Variants in PITRM1 observed in about 807,000 individuals in gnomAD.
PITRM1 encodes the protein pitrilysin metallopeptidase 1.
Under a neutral mutation model 129.9 loss-of-function variants are expected in PITRM1, and 100 were observed. The ratio of observed to expected loss-of-function variants is 0.77; its 90% confidence interval spans 0.65 to 0.91. The LOEUF is 0.91. Among genes scored for constraint, PITRM1 ranks in the 40% least tolerant of loss-of-function variants. The pLI, the probability that PITRM1 is intolerant of heterozygous loss-of-function variation, is 0.00. For missense variants in PITRM1, 1,471 were observed against 1,318.3 expected, an observed-to-expected ratio of 1.12 and a Z score of -1.79; for synonymous variants, 591 against 508.8, an observed-to-expected ratio of 1.16 and a Z score of -2.17.
At chr10:3,145,945 C>T (rs139988469) in intron 20 of PITRM1, 25 of 519,210 alleles carry the variant, frequency 4.8e-5, no homozygotes, top group African/African-American at 1.9e-4. Context: ...GCCGTCCATA[C>T]GCGGAGCCTG....
chr10:3,165,667 G>C (rs968466543), intron 4 of PITRM1, 140 bp from the exon 5 acceptor site: 5 of 623,678 alleles, frequency 8.0e-6, no homozygotes, highest in Admixed American at 5.9e-5. Flanking sequence ...CCATGCTCTG[G>C]TCCCTGGCCT....
At chr10:3,165,929 T>C (rs1842821395) in intron 4 of PITRM1, among the ~76,000 whole-genome samples, 1 of 152,194 alleles carries the variant, frequency 6.6e-6, no homozygotes, top group African/African-American at 2.4e-5. Context: ...TTACTAAAAG[T>C]CAAACATCAA....
At chr10:3,143,094 T>C (rs770611176) in intron 23 of PITRM1, 6 of 383,674 alleles carry the variant, frequency 1.6e-5, no homozygotes, top group Non-Finnish European at 2.9e-5. Context: ...ATGAGGTGAG[T>C]ACATGGGGCA....
In PITRM1 at chr10:3,163,756, G is replaced by T; in HGVS notation, c.760C>A (p.His254Asn). 1 of 1,612,298 alleles carries T rather than the reference G, an allele frequency of 6.2e-7. No homozygotes were observed. Among genetic ancestry groups the T allele is most frequent in the South Asian group, 1.1e-5 (1 of 90,572 alleles). The change falls in exon 7 of 27, where the codon CAT becomes AAT. Residue 254 changes from histidine to asparagine, a missense_variant. Coordinates refer to ENST00000224949, the MANE Select transcript of PITRM1 (RefSeq NM_014889.4). ...TTGCTTGGGTGATAGTGAGTGGCAT[G>T]AAACTGCTTAAGCTGCTCCCATGTA... ...ELTWEQLKQF[H>N]ATHYHPSNAR... is the part of the protein sequence containing the mutation.
rs551241145 is a variant in PITRM1 at position 3,160,321 on chromosome 10, C to A, written c.801G>T (p.Thr267=). Residue 267 remains threonine, a synonymous_variant, in exon 8 of 27, where the codon ACG becomes ACT. Coordinates refer to ENST00000224949, the MANE Select transcript of PITRM1 (RefSeq NM_014889.4). The stretch of plus-strand genomic sequence containing the variant: ...GCTGTTCTAATGGAAAATTACCGTA[C>A]GTGAAGAACCTAAAATTTTAAGGGA... ...HYHPSNARFF[T]YGNFPLEQHL... is the part of the protein sequence containing the mutation. 6 of 1,609,946 alleles carry A rather than the reference C, an allele frequency of 3.7e-6. No homozygotes were observed. Among genetic ancestry groups the A allele is most frequent in the Non-Finnish European group, 3.4e-6 (4 of 1,176,328 alleles).
chr10:3,141,901 C>T (rs1479461489), intron 23 of PITRM1: 2 of 220,060 alleles, frequency 9.1e-6, no homozygotes, highest in South Asian at 4.9e-5. Flanking sequence ...CCGGGACTAG[C>T]GAGGCTGGAG....
chr10:3,151,259 C>G lies in PITRM1; in HGVS notation c.1726G>C (p.Val576Leu), dbSNP rs192889695. ...EPTIPVTELD[V>L]VLTAGDIPVQ... ...CGTTCACAGTGACCTGTCAGGACCA[C>G]GTCCAACTCTGTGACAGGTATGGTG... is the stretch of plus-strand genomic sequence containing the variant. The change falls in exon 15 of 27, where the codon GTG becomes CTG. Residue 576 changes from valine (V) to leucine (L), a missense_variant. Coordinates refer to ENST00000224949, the MANE Select transcript of PITRM1 (RefSeq NM_014889.4). 1 of 1,592,372 alleles carries G rather than the reference C, an allele frequency of 6.3e-7. No homozygotes were observed. Among genetic ancestry groups the G allele is most frequent in the African/African-American group, 1.3e-5 (1 of 74,694 alleles).
Position 3,166,354 on chromosome 10 carries a change from T to C in PITRM1, c.293A>G (p.Asp98Gly). ...FSVQFRTTPM[D>G]STGVPHILEH... ...AAGAATGTGAGGAACACCAGTACTG[T>C]CCATGGGAGTAGTACGGAACTGCAC... Residue 98 changes from aspartate to glycine, a missense_variant, in exon 4 of 27, where the codon GAC (aspartate) becomes GGC (glycine). By Grantham distance (94) the Asp-to-Gly change is moderately conservative. Coordinates refer to ENST00000224949, the MANE Select transcript of PITRM1 (RefSeq NM_014889.4). 1 of 916,904 alleles carries C rather than the reference T, an allele frequency of 1.1e-6. No individual in the cohort carries two copies. Among genetic ancestry groups the C allele is most frequent in the South Asian group, 1.6e-5 (1 of 64,220 alleles). The allele number at this position is 916,904 out of a possible 1,614,324, so 56.8% of individuals were successfully genotyped here.
chr10:3,165,621 G>GT, intron 4 of PITRM1, 94 bp from the exon 5 acceptor site: 1 of 765,940 alleles, frequency 1.3e-6, no homozygotes, highest in South Asian at 1.6e-5. Context: ...TCCTAGGACA[G>GT]TAAGCTGTAG....
At chr10:3,144,069 C>A (rs1840567392) in intron 22 of PITRM1, 2 of 589,846 alleles carry the variant, frequency 3.4e-6, no homozygotes, top group East Asian at 5.6e-5. Context: ...CAGGGCCCTC[C>A]TCGGCACAGG....
chr10:3,171,022 C>A (rs1193509825), intron 1 of PITRM1, among the ~76,000 whole-genome samples: 1 of 151,814 alleles, frequency 6.6e-6, no homozygotes, highest in Non-Finnish European at 1.5e-5. Flanking sequence ...CTATCGTCCA[C>A]ACCTTACACT....
rs1224277908 is a variant in PITRM1, at chr10:3,160,778, G to C, written c.792-448C>G. Among the ~76,000 whole-genome samples the C allele has an allele frequency of 2.0e-4, 29 of 141,942 alleles. No individual in the cohort carries two copies. The South Asian group carries it at 6.3e-3, about 31-fold the overall frequency. The allele number at this position is 141,942 out of a possible 152,430, so 93.1% of individuals were successfully genotyped here. A position where few individuals can be genotyped will look rare whatever the true frequency, so the allele number is the denominator to read the frequency against. ...GTTTTGGTGGGGGGTTTTTTTTTTT[G>C]AGATGGAGTCTCGCCCCGTCCCCCC... On this transcript the variant is annotated intron_variant, in intron 7 of 26. Transcript: ENST00000224949.
rs774486469 is a variant in PITRM1, at chr10:3,151,373, A to G, written c.1622-10T>C. 2 of 1,092,188 alleles carry G rather than the reference A, an allele frequency of 1.8e-6. No homozygotes were observed. Among genetic ancestry groups the G allele is most frequent in the Non-Finnish European group, 2.5e-6 (2 of 795,514 alleles). 67.7% of individuals were successfully genotyped at this position (1,092,188 alleles called of 1,614,324 possible). ...CTCCGTAATTCTAGACCTAAAAAAG[A>G]AACAAGAAAAAGGAATATTCAGGGC... On this transcript the variant is annotated splice_polypyrimidine_tract_variant and intron_variant, in intron 14 of 26. Transcript: ENST00000224949.
chr10:3,138,173 G>A (rs376411688), intron 26 of PITRM1, 49 bp from the exon 27 acceptor site: 210 of 1,568,362 alleles, frequency 1.3e-4, no homozygotes, highest in East Asian at 2.7e-4. Flanking sequence ...CTGCGTGAGC[G>A]CTGTTAGAGT....
chr10:3,158,895 A>G lies in PITRM1; in HGVS notation c.1136+19T>C, dbSNP rs1291831178. 1 of 1,611,928 alleles carries G rather than the reference A, an allele frequency of 6.2e-7. No homozygotes were observed. Among genetic ancestry groups the G allele is most frequent in the Middle Eastern group, 1.7e-4 (1 of 6,038 alleles). On this transcript the variant is annotated intron_variant, in intron 10 of 26. Coordinates refer to ENST00000224949, the MANE Select transcript of PITRM1 (RefSeq NM_014889.4). ...CCCAACCAATGAGAACTACTGATCTAATCTAATCATAAACTCACCCAACAT... is the reference window on the plus strand; with the variant it reads ...CCCAACCAATGAGAACTACTGATCTGATCTAATCATAAACTCACCCAACAT...
intron 13 of PITRM1, 80 bp from the exon 14 acceptor site, chr10:3,155,809 G>T (rs1168168843): frequency 2.0e-6 from 3 of 1,511,690 alleles, no homozygotes; most frequent in Non-Finnish European, 2.7e-6. Flanking sequence ...GCTTCTGCTG[G>T]TGTGTTCTTG....
chr10:3,144,266 C>G (rs3752803), intron 22 of PITRM1, 26 bp downstream of exon 22: 737,977 of 1,446,056 alleles, frequency 0.51, 191,052 homozygotes, highest in East Asian at 0.69. Context: ...CACCCGCTGG[C>G]AACCCGGATG....
At chr10:3,140,384 T>TGTGGGTA (rs1309107063) in intron 24 of PITRM1, among the ~76,000 whole-genome samples, 2 of 152,228 alleles carry the variant, frequency 1.3e-5, no homozygotes, top group African/African-American at 2.4e-5. Flanking sequence ...CGAGGGGGAC[T>TGTGGGTA]GTGGGTAATA....
At chr10:3,147,076 CAAGT>C (rs989268704) in intron 20 of PITRM1, 70 bp downstream of exon 20, 71 of 787,832 alleles carry the variant, frequency 9.0e-5, no homozygotes, top group African/African-American at 7.0e-4. Flanking sequence ...GAAGTTTCTA[CAAGT>C]AAGAAATACC....
Sources: gnomAD v4.1 joint callset for allele counts (sites outside exome capture counted in the v4.1 genomes callset) on GRCh38, gnomAD v4.1.1 for gene constraint, MANE v1.5 for transcripts, NCBI Gene and HGNC (gene_info 2026-07-23, HGNC 2026-07-21) for gene names.